DGAT1: variants seen among roughly 807,000 people sequenced by gnomAD.
DGAT1 encodes the protein diacylglycerol O-acyltransferase 1, also known as ACAT related gene product 1.
DGAT1 carries 60 observed loss-of-function variants against 72.6 expected under a neutral mutation model. That is an observed-to-expected ratio of 0.83 (90% CI 0.67 to 1.02). The LOEUF (loss-of-function observed/expected upper bound fraction) is 1.02. Among genes scored for constraint, DGAT1 ranks in the 50% least tolerant of loss-of-function variants. The probability of loss-of-function intolerance (pLI) is 0.00; values close to 1 mark genes in which losing one functional copy is unlikely to be tolerated. For synonymous variants in DGAT1, 290 were observed against 267.5 expected (o/e 1.08, Z -0.82); for missense variants, 592 against 670.0 (o/e 0.88, Z 1.29).
rs1030050641 is a variant in DGAT1 at position 144,315,060 on chromosome 8, A to G, written c.*1494T>C. On this transcript the variant is annotated 3_prime_UTR_variant, in exon 17 of 17. Coordinates refer to ENST00000528718, the MANE Select transcript of DGAT1 (RefSeq NM_012079.6). ...CCAGCACCCTGTGTAGGCACGGGGA[A>G]CGGGAGCCTGTCCCGTAGCTTTAGG... 5.1e-6 allele frequency: 5 copies of G among 985,216 alleles called. No homozygotes were observed. The African/African-American group carries it at 8.8e-5, about 17-fold the overall frequency. 61.0% of individuals were successfully genotyped at this position (985,216 alleles called of 1,614,324 possible).
rs782722986 is a variant in DGAT1, at chr8:144,318,466, G to A, written c.569C>T (p.Thr190Ile). The A allele has an allele frequency of 3.1e-6, 5 of 1,611,092 alleles. No homozygotes were observed. The highest frequency in any genetic ancestry group is 1.7e-5 in the Admixed American group (1 of 59,828). Reference protein sequence around the residue: ...AAVVLLVESITPVGSLLALMA... With the variant: ...AAVVLLVESIIPVGSLLALMA... ...AGGGTGGGATGGGGGCGCACCTGGAGTGATAGACTCAACCAGTAAGACCAC... is the reference window on the plus strand; with the variant it reads ...AGGGTGGGATGGGGGCGCACCTGGAATGATAGACTCAACCAGTAAGACCAC... Residue 190 changes from threonine (T) to isoleucine (I), a missense_variant, in exon 6 of 17, where the codon ACT (threonine) becomes ATT (isoleucine). Physicochemically the swap from Thr to Ile is moderately conservative, Grantham distance 89. Transcript: ENST00000528718.
At position 144,326,486 on chromosome 8, in the gene DGAT1, G is replaced by A. The variant is rs564043345; in HGVS notation, c.151C>T (p.Pro51Ser). The change falls in exon 1 of 17, where the codon CCC becomes TCC. Residue 51 changes from proline (P) to serine (S), a missense_variant. Coordinates refer to ENST00000528718, the MANE Select transcript of DGAT1 (RefSeq NM_012079.6). Reference sequence around the variant, plus strand: ...ACGCCGGCGTCTCCGTCCTTGTTGGGGGCCGGGGCTGGCGCGTCCCCCGCG... The same window carrying A: ...ACGCCGGCGTCTCCGTCCTTGTTGGAGGCCGGGGCTGGCGCGTCCCCCGCG... Reference protein sequence around the residue: ...GAAGDAPAPAPNKDGDAGVGS... With the variant: ...GAAGDAPAPASNKDGDAGVGS... 3.8e-6 allele frequency: 5 copies of A among 1,315,244 alleles called. No individual in the cohort carries two copies. The South Asian group carries it at 1.0e-4, about 26-fold the overall frequency. 81.5% of individuals were successfully genotyped at this position (1,315,244 alleles called of 1,614,324 possible).
chr8:144,318,923 G>A lies in DGAT1; in HGVS notation c.330-3C>T, dbSNP rs1554847766. 3.7e-6 allele frequency: 6 copies of A among 1,608,576 alleles called. No homozygotes were observed. The highest frequency in any genetic ancestry group is 5.1e-6 in the Non-Finnish European group (6 of 1,177,754). On this transcript the variant is annotated splice_region_variant and splice_polypyrimidine_tract_variant and intron_variant, in intron 3 of 16. Transcript: ENST00000528718. The stretch of plus-strand genomic sequence containing the variant: ...TGGGGTCCACCAGGATGCCATACCT[G>A]GGGGTGGAGGGATGGGGGTCTGAGT...
intron 1 of DGAT1, among the ~76,000 whole-genome samples, chr8:144,325,574 G>C (rs1554848686): frequency 1.3e-5 from 2 of 152,234 alleles, no homozygotes; most frequent in African/African-American, 2.4e-5. Context: ...AGGCCATAAA[G>C]GGGGGATGGA....
Position 144,315,611 on chromosome 8 carries a change from T to C in DGAT1, c.*943A>G. 4 of 985,606 alleles carry C rather than the reference T, an allele frequency of 4.1e-6. No individual in the cohort carries two copies. Among genetic ancestry groups the C allele is most frequent in the Non-Finnish European group, 4.8e-6 (4 of 830,042 alleles). 61.1% of individuals were successfully genotyped at this position (985,606 alleles called of 1,614,324 possible). Reference sequence around the variant, plus strand: ...CGCTACCATCAAGGGGGGCCCCATCTATCCAGCTTGGTGGATTGCAGGGCC... The same window carrying C: ...CGCTACCATCAAGGGGGGCCCCATCCATCCAGCTTGGTGGATTGCAGGGCC... On this transcript the variant is annotated 3_prime_UTR_variant, in exon 17 of 17. Coordinates refer to ENST00000528718, the MANE Select transcript of DGAT1 (RefSeq NM_012079.6).
intron 15 of DGAT1, 52 bp from the exon 16 acceptor site, chr8:144,316,967 G>T: frequency 1.2e-6 from 2 of 1,612,028 alleles, no homozygotes; most frequent in Non-Finnish European, 1.7e-6. Context: ...AGCCGTCCCT[G>T]CTGTGGGCAT....
chr8:144,326,336 C>G, intron 1 of DGAT1, 101 bp downstream of exon 1: 1 of 1,131,168 alleles, frequency 8.8e-7, no homozygotes. Context: ...CCCCGCTTAG[C>G]CCAGGGCCCA....
At chr8:144,321,479 G>C in intron 1 of DGAT1, 71 bp from the exon 2 acceptor site, 1 of 1,399,754 alleles carries the variant, frequency 7.1e-7, no homozygotes, top group Non-Finnish European at 1.0e-6. Context: ...CAGGATCCAG[G>C]CCCCCACCCC....
intron 1 of DGAT1, among the ~76,000 whole-genome samples, chr8:144,325,615 T>G (rs1554848696): frequency 6.6e-6 from 1 of 152,198 alleles, no homozygotes. Context: ...AAGGCCAGCT[T>G]GGTGGAGGAA....
intron 1 of DGAT1, among the ~76,000 whole-genome samples, chr8:144,322,061 G>A (rs1265069795): frequency 6.6e-6 from 1 of 152,200 alleles, no homozygotes; most frequent in African/African-American, 2.4e-5. Context: ...GAACCCACCC[G>A]GGGCTAGGTG....
intron 11 of DGAT1, 27 bp from the exon 12 acceptor site, chr8:144,317,615 C>A (rs782190977): frequency 6.2e-7 from 1 of 1,613,962 alleles, no homozygotes; most frequent in Non-Finnish European, 8.5e-7. Flanking sequence ...TTCAGCTAGC[C>A]ATGCTCCTGG....
Position 144,318,632 on chromosome 8 carries a change from G to T in DGAT1, c.469-66C>A, listed in dbSNP as rs1039037045. ...CCTGGGAGAGGGCTGCCAGGCCTGG[G>T]GAGCAGCTCCTCCCAGGAGCGCACA... On this transcript the variant is annotated intron_variant, in intron 5 of 16. Transcript: ENST00000528718. 7.9e-5 allele frequency: 126 copies of T among 1,604,466 alleles called. No individual in the cohort carries two copies. In the Middle Eastern group the frequency reaches 1.5e-3, roughly 19 times the overall value.
Position 144,318,815 on chromosome 8 carries a change from C to G in DGAT1, c.415+20G>C. On this transcript the variant is annotated intron_variant, in intron 4 of 16. Transcript: ENST00000528718. Reference sequence around the variant, plus strand: ...GTCAGCCTGATCCCCACCCGAGGCCCTCCTCAGAGCCCAGCTCACCAATAA... The same window carrying G: ...GTCAGCCTGATCCCCACCCGAGGCCGTCCTCAGAGCCCAGCTCACCAATAA... The G allele has an allele frequency of 6.2e-7, 1 of 1,609,956 alleles. No homozygotes were observed. Among genetic ancestry groups the G allele is most frequent in the Non-Finnish European group, 8.5e-7 (1 of 1,178,230 alleles).
At position 144,316,263 on chromosome 8, in the gene DGAT1, G is replaced by A; in HGVS notation, c.*291C>T. 2.5e-6 allele frequency: 1 copy of A among 392,442 alleles called. No homozygotes were observed. The highest frequency in any genetic ancestry group is 3.6e-5 in the South Asian group (1 of 27,790). The allele number at this position is 392,442 out of a possible 1,614,324, so 24.3% of individuals were successfully genotyped here. A position where few individuals can be genotyped will look rare whatever the true frequency, so the allele number is the denominator to read the frequency against. The stretch of plus-strand genomic sequence containing the variant: ...TGGGTGTGGCCATACCCCCCACCAG[G>A]CCCCAGGCCCCTGGCAGGCTGAAGA... On this transcript the variant is annotated 3_prime_UTR_variant, in exon 17 of 17. Coordinates refer to ENST00000528718, the MANE Select transcript of DGAT1 (RefSeq NM_012079.6).
chr8:144,315,466 TTGGGCCATAG>T lies in DGAT1; in HGVS notation c.*1078_*1087del. 1 of 985,568 alleles carries T rather than the reference TTGGGCCATAG, an allele frequency of 1.0e-6. No individual in the cohort carries two copies. The highest frequency in any genetic ancestry group is 1.2e-6 in the Non-Finnish European group (1 of 830,002). The allele number at this position is 985,568 out of a possible 1,614,324, so 61.1% of individuals were successfully genotyped here. ...AGGGCCTCCTCAAACACCTGCCTTG[TTGGGCCATAG>T]CTGCAGGTCTGGGGACACCAGGGCC... On this transcript the variant is annotated 3_prime_UTR_variant, in exon 17 of 17. Coordinates refer to ENST00000528718, the MANE Select transcript of DGAT1 (RefSeq NM_012079.6).
rs782155384 is a variant in DGAT1, at chr8:144,317,655, C to G, written c.936+16G>C. ...TCCCCAGCCACCCCAGCTGCAAGAG[C>G]ACCTGAGCCACTCACCTTGAAGGGC... On this transcript the variant is annotated intron_variant, in intron 11 of 16. Transcript: ENST00000528718. 1 of 1,613,876 alleles carries G rather than the reference C, an allele frequency of 6.2e-7. No individual in the cohort carries two copies. The highest frequency in any genetic ancestry group is 8.5e-7 in the Non-Finnish European group (1 of 1,180,016).
At position 144,314,745 on chromosome 8, in the gene DGAT1, T is replaced by G; in HGVS notation, c.*1809A>C. 4.3e-6 allele frequency: 1 copy of G among 231,436 alleles called. No homozygotes were observed. Among genetic ancestry groups the G allele is most frequent in the African/African-American group, 2.3e-5 (1 of 44,242 alleles). The allele number at this position is 231,436 out of a possible 1,614,324, so 14.3% of individuals were successfully genotyped here. ...CTATGGCCTCCATGTGTTTCCTCTG[T>G]CCCAGGGTGGTGCGGTGGGTGGTGC... On this transcript the variant is annotated 3_prime_UTR_variant, in exon 17 of 17. Transcript: ENST00000528718.
intron 1 of DGAT1, among the ~76,000 whole-genome samples, chr8:144,323,312 GC>G (rs1343463076): frequency 6.6e-6 from 1 of 152,098 alleles, no homozygotes; most frequent in Non-Finnish European, 1.5e-5. Flanking sequence ...TTTCTCAGGG[GC>G]CCCTTGACAG....
intron 1 of DGAT1, among the ~76,000 whole-genome samples, chr8:144,325,371 G>A (rs1817572659): frequency 6.6e-6 from 1 of 152,284 alleles, no homozygotes; most frequent in African/African-American, 2.4e-5. Context: ...GCACCCTGAG[G>A]GCCACGACAG....
Sources: allele counts gnomAD v4.1 joint callset (sites outside exome capture counted in the v4.1 genomes callset), GRCh38; gene constraint gnomAD v4.1.1; transcripts MANE v1.5; gene names NCBI Gene and HGNC (gene_info 2026-07-23, HGNC 2026-07-21).